The following ZFP90 variants were observed in gnomAD, a reference collection of about 807,000 sequenced individuals.
The protein encoded by ZFP90 is zinc finger protein 90 homolog.
A neutral mutation model predicts 60.8 loss-of-function variants in ZFP90; 38 were observed. The ratio of observed to expected loss-of-function variants is 0.62; its 90% confidence interval spans 0.48 to 0.82. The LOEUF (loss-of-function observed/expected upper bound fraction) is 0.82. ZFP90 is among the 40% of genes least tolerant of loss of function. The pLI is 0.00. For synonymous variants in ZFP90, 287 were observed against 264.8 expected (o/e 1.08, Z -0.82); for missense variants, 711 against 759.1 (o/e 0.94, Z 0.74).
intron 2 of ZFP90, among the ~76,000 whole-genome samples, chr16:68,541,604 TTA>T (rs200733027): frequency 6.6e-6 from 1 of 151,592 alleles, no homozygotes. Context: ...GCCTGCGTTT[TTA>T]TATATATATA....
chr16:68,569,716 C>T (rs1411284618), downstream of ZFP90, among the ~76,000 whole-genome samples: 1 of 151,936 alleles, frequency 6.6e-6, no homozygotes, highest in Non-Finnish European at 1.5e-5. Flanking sequence ...GTCTGGGCAA[C>T]ATGGCAAAAC....
At chr16:68,539,958 C>A in intron 2 of ZFP90, 133 bp downstream of exon 2, 1 of 1,289,846 alleles carries the variant, frequency 7.8e-7, no homozygotes, top group Non-Finnish European at 1.1e-6. Flanking sequence ...AGCCTCCTGG[C>A]CATGGAAAAC....
intron 2 of ZFP90, among the ~76,000 whole-genome samples, chr16:68,544,496 A>G (rs1185711670): frequency 6.6e-6 from 1 of 152,214 alleles, no homozygotes; most frequent in Non-Finnish European, 1.5e-5. Context: ...AGATCTCTTC[A>G]TGTTAGAGAA....
In ZFP90 at chr16:68,565,668, A is replaced by G; in HGVS notation, c.*970A>G. ...AGCACTTTCTTAAGCCTACAGTATCAGATCAATGGGAAAACAACAGAAAAC... is the reference window on the plus strand; with the variant it reads ...AGCACTTTCTTAAGCCTACAGTATCGGATCAATGGGAAAACAACAGAAAAC... On this transcript the variant is annotated 3_prime_UTR_variant, in exon 5 of 5. Coordinates refer to ENST00000563169, the MANE Select transcript of ZFP90 (RefSeq NM_001305203.2). 1.0e-6 allele frequency: 1 copy of G among 985,588 alleles called. No homozygotes were observed. Among genetic ancestry groups the G allele is most frequent in the South Asian group, 4.7e-5 (1 of 21,290 alleles). 61.1% of individuals were successfully genotyped at this position (985,588 alleles called of 1,614,324 possible). A position where few individuals can be genotyped will look rare whatever the true frequency, so the allele number is the denominator to read the frequency against.
At chr16:68,540,899 A>AAT in intron 2 of ZFP90, among the ~76,000 whole-genome samples, 1 of 147,576 alleles carries the variant, frequency 6.8e-6, no homozygotes, top group South Asian at 2.1e-4. Flanking sequence ...TTAAGCATAC[A>AAT]ATACATCATG....
chr16:68,539,739 C>G lies in ZFP90; in HGVS notation c.-35-19C>G. ...TCGGTGTTGCAGCGGGGTGAGTGGGCCCTGTCCTTTCTCCCCAGCTCCTGC... is the reference window on the plus strand; with the variant it reads ...TCGGTGTTGCAGCGGGGTGAGTGGGGCCTGTCCTTTCTCCCCAGCTCCTGC... On this transcript the variant is annotated intron_variant, in intron 1 of 4. Coordinates refer to ENST00000563169, the MANE Select transcript of ZFP90 (RefSeq NM_001305203.2). 6.5e-7 allele frequency: 1 copy of G among 1,533,704 alleles called. No individual in the cohort carries two copies.
upstream of ZFP90, among the ~76,000 whole-genome samples, chr16:68,538,408 G>C (rs1713504259): frequency 6.6e-6 from 1 of 152,136 alleles, no homozygotes; most frequent in Admixed American, 6.5e-5. Flanking sequence ...GTATCTAAAA[G>C]TTGACCTATC....
intron 4 of ZFP90, chr16:68,562,763 CTG>C (rs1345930789): frequency 4.9e-5 from 29 of 594,242 alleles, no homozygotes; most frequent in Non-Finnish European, 7.3e-5. Flanking sequence ...CCATTTGTAT[CTG>C]TGCCTAACAC....
At chr16:68,555,429 G>A (rs1207147615) in intron 2 of ZFP90, among the ~76,000 whole-genome samples, 1 of 152,114 alleles carries the variant, frequency 6.6e-6, no homozygotes, top group Non-Finnish European at 1.5e-5. Context: ...GAGCCAGTAT[G>A]GTGTGTGGAT....
chr16:68,542,631 CTGAT>C (rs2091072340), intron 2 of ZFP90, among the ~76,000 whole-genome samples: 1 of 151,980 alleles, frequency 6.6e-6, no homozygotes, highest in African/African-American at 2.4e-5. Flanking sequence ...GAGGGTAGAG[CTGAT>C]TGATTTGGTG....
chr16:68,567,897 T>A (rs956779456), downstream of ZFP90, among the ~76,000 whole-genome samples: 6 of 152,214 alleles, frequency 3.9e-5, no homozygotes, highest in Admixed American at 1.3e-4. Context: ...TTGGTTTTTT[T>A]AATAGCTGCA....
intron 2 of ZFP90, 133 bp downstream of exon 2, chr16:68,539,958 C>T: frequency 1.6e-6 from 2 of 1,289,854 alleles, no homozygotes; most frequent in Middle Eastern, 1.9e-4. Flanking sequence ...AGCCTCCTGG[C>T]CATGGAAAAC....
chr16:68,567,760 T>A (rs1318798430), downstream of ZFP90, among the ~76,000 whole-genome samples: 1 of 152,228 alleles, frequency 6.6e-6, no homozygotes, highest in African/African-American at 2.4e-5. Flanking sequence ...TTTTTTATGT[T>A]TGTTGCTTGC....
intron 4 of ZFP90, chr16:68,562,610 G>C: frequency 5.0e-6 from 1 of 200,136 alleles, no homozygotes; most frequent in East Asian, 1.3e-4. Context: ...TTTCTCTGCA[G>C]CATTTGGAGA....
chr16:68,564,033 C>G lies in ZFP90; in HGVS notation c.1246C>G (p.His416Asp). 1 of 1,614,048 alleles carries G rather than the reference C, an allele frequency of 6.2e-7. No homozygotes were observed. The highest frequency in any genetic ancestry group is 8.5e-7 in the Non-Finnish European group (1 of 1,179,992). Residue 416 changes from histidine (H) to aspartate (D), a missense_variant, in exon 5 of 5, where the codon CAT becomes GAT. By Grantham distance (81) the His-to-Asp change is moderately conservative. Coordinates refer to ENST00000563169, the MANE Select transcript of ZFP90 (RefSeq NM_001305203.2). ...SPSLYKHMRI[H>D]KRGKPYQSSN... ...ATCCCTTTATAAACATATGAGGATTCATAAGAGAGGCAAACCTTACCAAAG... is the reference window on the plus strand; with the variant it reads ...ATCCCTTTATAAACATATGAGGATTGATAAGAGAGGCAAACCTTACCAAAG...
Position 68,563,126 on chromosome 16 carries a change from A to C in ZFP90, c.339A>C (p.Leu113Phe), listed in dbSNP as rs563674804. ...SEVSHCTHDL[L>F]HATLEDSWDV... The stretch of plus-strand genomic sequence containing the variant: ...TATCCCACTGCACACATGATCTCTT[A>C]CATGCTACATTAGAAGACTCCTGGG... Residue 113 changes from leucine (L) to phenylalanine (F), a missense_variant, in exon 5 of 5, where the codon TTA becomes TTC. Around this residue, in one of 5 missense-constraint regions of ZFP90, gnomAD observed 241 missense variants for 247.6 expected, o/e 0.97. Transcript: ENST00000563169. The C allele has an allele frequency of 6.2e-7, 1 of 1,614,204 alleles. No individual in the cohort carries two copies. Among genetic ancestry groups the C allele is most frequent in the Non-Finnish European group, 8.5e-7 (1 of 1,180,024 alleles).
Position 68,539,819 on chromosome 16 carries a change from G to A in ZFP90, c.27G>A (p.Ala9=), listed in dbSNP as rs747124276. The A allele has an allele frequency of 3.1e-6, 5 of 1,605,758 alleles. No individual in the cohort carries two copies. The highest frequency in any genetic ancestry group is 1.7e-5 in the Admixed American group (1 of 59,356). ...TGGCCCCGAGGCCTCCGACCGCCGC[G>A]CCCCAGGTGAGCAACGCGTTCCTAA... The part of the protein sequence containing the change: MAPRPPTA[A]PQESVTFKDV... The change falls in exon 2 of 5, where the codon GCG becomes GCA. Residue 9 remains alanine (A), a synonymous_variant. Coordinates refer to ENST00000563169, the MANE Select transcript of ZFP90 (RefSeq NM_001305203.2).
At chr16:68,538,773 C>T (rs1017980392), upstream of ZFP90, among the ~76,000 whole-genome samples, 1 of 151,894 alleles carries the variant, frequency 6.6e-6, no homozygotes, top group African/African-American at 2.4e-5. Context: ...TAAGGGGATA[C>T]GAAGTAATGA....
chr16:68,565,030 A>T lies in ZFP90; in HGVS notation c.*332A>T. The T allele has an allele frequency of 1.9e-6, 2 of 1,036,254 alleles. No homozygotes were observed. Among genetic ancestry groups the T allele is most frequent in the Non-Finnish European group, 2.3e-6 (2 of 863,586 alleles). 64.2% of individuals were successfully genotyped at this position (1,036,254 alleles called of 1,614,324 possible). ...GACCCCCAATGTCAACAGCTTTTTT[A>T]AAAAGCAAATTCCTGCAGTAATGAC... On this transcript the variant is annotated 3_prime_UTR_variant, in exon 5 of 5. Coordinates refer to ENST00000563169, the MANE Select transcript of ZFP90 (RefSeq NM_001305203.2).
Sources: gnomAD v4.1 joint callset for allele counts (sites outside exome capture counted in the v4.1 genomes callset) on GRCh38, gnomAD v4.1.1 for gene constraint, gnomAD v4.1.1 regional missense constraint, MANE v1.5 for transcripts, NCBI Gene and HGNC (gene_info 2026-07-23, HGNC 2026-07-21) for gene names.